MTHFD2L: variants seen among roughly 807,000 people sequenced by gnomAD.
MTHFD2L encodes methylenetetrahydrofolate dehydrogenase (NADP+ dependent) 2 like.
Under a neutral mutation model 34.9 loss-of-function variants are expected in MTHFD2L, and 29 were observed. The ratio of observed to expected loss-of-function variants is 0.83; its 90% CI spans 0.62 to 1.13. The LOEUF (loss-of-function observed/expected upper bound fraction) is 1.13, where lower values mean the gene tolerates loss of function less well. MTHFD2L is among the 50% of genes most tolerant of loss of function. The pLI is 0.00. For synonymous variants in MTHFD2L, 167 were observed against 155.7 expected (o/e 1.07, Z -0.54); for missense variants, 481 against 446.5 (o/e 1.08, Z -0.70).
chr4:74,225,702 A>C (rs961593794), intron 6 of MTHFD2L, among the ~76,000 whole-genome samples: 3 of 152,176 alleles, frequency 2.0e-5, no homozygotes, highest in African/African-American at 7.2e-5. Context: ...TGGTGCAGGT[A>C]AATAATACAT....
intron 1 of MTHFD2L, among the ~76,000 whole-genome samples, chr4:74,144,244 G>A (rs765811481): frequency 1.3e-5 from 2 of 152,150 alleles, no homozygotes; most frequent in South Asian, 2.1e-4. Context: ...CCTGAGGTCA[G>A]GAGTTCGAGA....
chr4:74,207,721 G>A (rs1468534590), intron 5 of MTHFD2L, among the ~76,000 whole-genome samples: 1 of 149,334 alleles, frequency 6.7e-6, no homozygotes, highest in Non-Finnish European at 1.5e-5. Flanking sequence ...TTTGCCAGTT[G>A]AATGCCTTCC....
chr4:74,146,590 A>G (rs1214667425), intron 1 of MTHFD2L, among the ~76,000 whole-genome samples: 1 of 152,196 alleles, frequency 6.6e-6, no homozygotes, highest in Admixed American at 6.5e-5. Context: ...AAATTAAATC[A>G]TACCATATTT....
chr4:74,298,919 T>C (rs1479732346), intron 7 of MTHFD2L, among the ~76,000 whole-genome samples: 1 of 151,974 alleles, frequency 6.6e-6, no homozygotes, highest in Non-Finnish European at 1.5e-5. Flanking sequence ...TCTGTACATA[T>C]AGGAGAGTGA....
intron 1 of MTHFD2L, among the ~76,000 whole-genome samples, chr4:74,164,049 G>T (rs1726083140): frequency 2.6e-5 from 4 of 152,146 alleles, no homozygotes; most frequent in Admixed American, 2.6e-4. Context: ...CTAATTTTTT[G>T]TATTTTTAGT....
intron 6 of MTHFD2L, among the ~76,000 whole-genome samples, chr4:74,269,689 T>G (rs1398492807): frequency 1.3e-5 from 2 of 152,132 alleles, no homozygotes; most frequent in East Asian, 1.9e-4. Flanking sequence ...AACTTCAAAT[T>G]CAGAGTCTGA....
chr4:74,264,437 T>A (rs1745051043), intron 6 of MTHFD2L, among the ~76,000 whole-genome samples: 1 of 151,900 alleles, frequency 6.6e-6, no homozygotes, highest in Non-Finnish European at 1.5e-5. Context: ...TCCAAGTAAC[T>A]TACATCTAGT....
intron 1 of MTHFD2L, among the ~76,000 whole-genome samples, chr4:74,127,875 G>T (rs1485097061): frequency 6.6e-6 from 1 of 152,050 alleles, no homozygotes; most frequent in Non-Finnish European, 1.5e-5. Context: ...ACATGTATGA[G>T]GGTTTCCCTT....
intron 6 of MTHFD2L, among the ~76,000 whole-genome samples, chr4:74,235,094 A>G (rs1320138159): frequency 6.6e-6 from 1 of 152,160 alleles, no homozygotes; most frequent in Non-Finnish European, 1.5e-5. Flanking sequence ...AAGATGAAGC[A>G]TAACATTTAG....
chr4:74,165,044 A>C lies in MTHFD2L; in HGVS notation c.143+6763A>C, dbSNP rs1242560383. 9 of 980,292 alleles carry C rather than the reference A, an allele frequency of 9.2e-6. No homozygotes were observed. In the Admixed American group the frequency reaches 1.8e-4, roughly 20 times the overall value. 60.7% of individuals were successfully genotyped at this position (980,292 alleles called of 1,614,324 possible). A position where few individuals can be genotyped will look rare whatever the true frequency, so the allele number is the denominator to read the frequency against. On this transcript the variant is annotated intron_variant, in intron 1 of 7. Coordinates refer to ENST00000325278, the MANE Select transcript of MTHFD2L (RefSeq NM_001144978.3). ...TGCATTAATGGCAAGGTCACTATGT[A>C]ATTTTTTTGGCCAAACTAGCACATT...
rs185494827 is a variant in MTHFD2L, at chr4:74,180,365, A to G, written c.451+4962A>G. On this transcript the variant is annotated intron_variant, in intron 3 of 7. Coordinates refer to ENST00000325278, the MANE Select transcript of MTHFD2L (RefSeq NM_001144978.3). Reference sequence around the variant, plus strand: ...AATTAAACAATAAGCAAATGAAAAAATGAATGAGTCTAGTTGATTACACCT... The same window carrying G: ...AATTAAACAATAAGCAAATGAAAAAGTGAATGAGTCTAGTTGATTACACCT... Among the ~76,000 whole-genome samples the G allele has an allele frequency of 3.8e-3, 582 of 152,266 alleles. 5 individuals are homozygous for G. The highest frequency in any genetic ancestry group is 0.014 in the Middle Eastern group (4 of 294).
intron 1 of MTHFD2L, among the ~76,000 whole-genome samples, chr4:74,149,254 T>G (rs1012616187): frequency 3.9e-5 from 6 of 151,902 alleles, no homozygotes; most frequent in Admixed American, 3.9e-4. Flanking sequence ...TCTTCCATTA[T>G]CTACTTAATT....
At chr4:74,186,435 C>G (rs1578393697) in intron 3 of MTHFD2L, among the ~76,000 whole-genome samples, 1 of 25,220 alleles carries the variant, frequency 4.0e-5, no homozygotes, top group African/African-American at 9.8e-5. Flanking sequence ...CAAGGGAATC[C>G]ATGAAAAAAA....
intron 6 of MTHFD2L, among the ~76,000 whole-genome samples, chr4:74,249,144 G>A (rs1002437538): frequency 6.6e-6 from 1 of 151,472 alleles, no homozygotes; most frequent in Non-Finnish European, 1.5e-5. Context: ...CTCAGGACTT[G>A]CTTTATGAAT....
chr4:74,158,617 C>T (rs1724709365), intron 1 of MTHFD2L, among the ~76,000 whole-genome samples: 1 of 152,152 alleles, frequency 6.6e-6, no homozygotes, highest in South Asian at 2.1e-4. Context: ...TTTGTTTTTA[C>T]TTTGGTTATT....
chr4:74,264,239 A>G (rs1560542188), intron 6 of MTHFD2L, among the ~76,000 whole-genome samples: 1 of 152,094 alleles, frequency 6.6e-6, no homozygotes, highest in African/African-American at 2.4e-5. Flanking sequence ...TAATGTATAC[A>G]GACTAGGAAG....
intron 5 of MTHFD2L, among the ~76,000 whole-genome samples, chr4:74,202,956 T>G (rs1443297590): frequency 6.6e-6 from 1 of 152,152 alleles, no homozygotes; most frequent in African/African-American, 2.4e-5. Flanking sequence ...TTTCCTGATC[T>G]CAAACTTTCA....
intron 6 of MTHFD2L, among the ~76,000 whole-genome samples, chr4:74,256,443 G>A (rs1363347443): frequency 1.3e-5 from 2 of 151,998 alleles, no homozygotes; most frequent in Non-Finnish European, 2.9e-5. Context: ...GATTGCTTTT[G>A]AGGACTTAGT....
chr4:74,227,512 C>T (rs932173637), intron 6 of MTHFD2L, among the ~76,000 whole-genome samples: 2 of 150,842 alleles, frequency 1.3e-5, no homozygotes, highest in African/African-American at 2.5e-5. Flanking sequence ...AAGAGCATCC[C>T]GAGCAGAGGA....
Sources: gnomAD v4.1 joint callset for allele counts (sites outside exome capture counted in the v4.1 genomes callset) on GRCh38, gnomAD v4.1.1 for gene constraint, MANE v1.5 for transcripts, NCBI Gene and HGNC (gene_info 2026-07-23, HGNC 2026-07-21) for gene names.